Variants in AGBL4 observed in about 807,000 individuals in gnomAD.
AGBL4 encodes cytosolic carboxypeptidase 6.
AGBL4 carries 58 observed loss-of-function variants against 66.4 expected under a neutral mutation model. The ratio of observed to expected loss-of-function variants is 0.87; its 90% confidence interval spans 0.71 to 1.09. The LOEUF (loss-of-function observed/expected upper bound fraction) is 1.09, where lower values mean the gene tolerates loss of function less well. AGBL4 is among the 50% of genes least tolerant of loss of function. AGBL4 has a pLI of 0.00. For missense variants in AGBL4, 579 were observed against 631.0 expected (o/e 0.92, Z 0.88); for synonymous variants, 234 against 222.9 (o/e 1.05, Z -0.44).
intron 5 of AGBL4, among the ~76,000 whole-genome samples, chr1:48,877,956 T>G (rs985940219): frequency 3.9e-5 from 6 of 152,144 alleles, no homozygotes; most frequent in African/African-American, 1.4e-4. Context: ...TCTCTCTCAT[T>G]TTCGCATCTC....
intron 3 of AGBL4, among the ~76,000 whole-genome samples, chr1:49,394,896 G>A (rs1009734914): frequency 2.0e-5 from 3 of 152,078 alleles, no homozygotes; most frequent in African/African-American, 7.2e-5. Flanking sequence ...TTTCATTCTG[G>A]TCTCTCTGCC....
At chr1:50,005,676 A>G (rs898500550) in intron 1 of AGBL4, among the ~76,000 whole-genome samples, 5 of 152,228 alleles carry the variant, frequency 3.3e-5, no homozygotes, top group African/African-American at 9.6e-5. Flanking sequence ...CCAGTGACCA[A>G]TTCTGGAGTC....
intron 3 of AGBL4, among the ~76,000 whole-genome samples, chr1:49,377,841 G>T (rs1644503433): frequency 1.3e-5 from 2 of 152,022 alleles, no homozygotes. Context: ...GGCTCCAGAG[G>T]GATATAGTAT....
intron 5 of AGBL4, among the ~76,000 whole-genome samples, chr1:48,936,419 G>A (rs922288024): frequency 4.8e-4 from 73 of 152,228 alleles, no homozygotes; most frequent in African/African-American, 1.6e-3. Context: ...AAACCTTCAC[G>A]GAGATAATGT....
At chr1:49,839,322 G>C (rs563810158) in intron 2 of AGBL4, among the ~76,000 whole-genome samples, 102 of 152,222 alleles carry the variant, frequency 6.7e-4, no homozygotes, top group Non-Finnish European at 1.2e-3. Context: ...TTGGTCTACA[G>C]TTACAGAGTT....
intron 3 of AGBL4, among the ~76,000 whole-genome samples, chr1:49,283,504 A>G (rs1442383883): frequency 1.3e-5 from 2 of 152,256 alleles, no homozygotes; most frequent in African/African-American, 4.8e-5. Flanking sequence ...CAGCAACGGA[A>G]CAAAGCTGGA....
In AGBL4 at chr1:48,648,002, T is replaced by C. The variant is rs150579924; in HGVS notation, c.839+5335A>G. Among the ~76,000 whole-genome samples the C allele has an allele frequency of 3.7e-3, 564 of 152,264 alleles. 3 individuals are homozygous for C. Among genetic ancestry groups the C allele is most frequent in the African/African-American group, 0.013 (549 of 41,546 alleles). The stretch of plus-strand genomic sequence containing the variant: ...AGATCCTTCCAGAACTCTCTGAAAA[T>C]ATTCCCATTGTATTGTCAGTAGCCA... On this transcript the variant is annotated intron_variant, in intron 8 of 13. Transcript: ENST00000371839.
intron 6 of AGBL4, among the ~76,000 whole-genome samples, chr1:48,831,861 A>G (rs1030131648): frequency 8.5e-5 from 13 of 152,322 alleles, no homozygotes; most frequent in African/African-American, 3.1e-4. Flanking sequence ...AAGGAAATCC[A>G]TGTTTTGACA....
chr1:49,084,588 C>T (rs2147964500), intron 4 of AGBL4, among the ~76,000 whole-genome samples: 1 of 152,256 alleles, frequency 6.6e-6, no homozygotes, highest in South Asian at 2.1e-4. Context: ...ATTAACTCCA[C>T]CTGGCCCTGC....
intron 3 of AGBL4, among the ~76,000 whole-genome samples, chr1:49,580,983 G>T (rs1235267294): frequency 6.6e-6 from 1 of 151,982 alleles, no homozygotes; most frequent in Non-Finnish European, 1.5e-5. Flanking sequence ...TCCCTATCCA[G>T]AATACTAATA....
intron 3 of AGBL4, among the ~76,000 whole-genome samples, chr1:49,385,366 T>A (rs1052610226): frequency 5.3e-5 from 8 of 152,034 alleles, no homozygotes; most frequent in Non-Finnish European, 1.2e-4. Context: ...TACATTCTTG[T>A]GTTCTTTTTC....
intron 1 of AGBL4, among the ~76,000 whole-genome samples, chr1:49,983,301 A>G (rs1236045312): frequency 6.6e-6 from 1 of 152,198 alleles, no homozygotes; most frequent in Non-Finnish European, 1.5e-5. Context: ...GCTTCTGGGC[A>G]CCAATGCATT....
chr1:49,660,444 A>G (rs1646246218), intron 3 of AGBL4, among the ~76,000 whole-genome samples: 1 of 152,170 alleles, frequency 6.6e-6, no homozygotes, highest in South Asian at 2.1e-4. Flanking sequence ...TAAAAAGTCA[A>G]GAAATAATAG....
At chr1:49,561,820 C>T (rs1432752664) in intron 3 of AGBL4, among the ~76,000 whole-genome samples, 2 of 152,034 alleles carry the variant, frequency 1.3e-5, no homozygotes, top group Non-Finnish European at 2.9e-5. Context: ...TGGATATATA[C>T]CCAGTAATGG....
intron 3 of AGBL4, among the ~76,000 whole-genome samples, chr1:49,616,479 G>T (rs2124268807): frequency 6.6e-6 from 1 of 152,162 alleles, no homozygotes; most frequent in East Asian, 1.9e-4. Flanking sequence ...CTCAGTCCTT[G>T]CACATTTTAT....
chr1:49,498,214 G>C (rs1169138709), intron 3 of AGBL4, among the ~76,000 whole-genome samples: 1 of 151,858 alleles, frequency 6.6e-6, no homozygotes, highest in Non-Finnish European at 1.5e-5. Context: ...ATTGCATATT[G>C]ACGTTGTATC....
At chr1:49,923,133 G>T (rs1017655902) in intron 1 of AGBL4, among the ~76,000 whole-genome samples, 2 of 152,010 alleles carry the variant, frequency 1.3e-5, no homozygotes, top group African/African-American at 4.8e-5. Flanking sequence ...TAGTCCAATG[G>T]AACAAAATAG....
chr1:49,065,046 T>G (rs1377021779), intron 4 of AGBL4, among the ~76,000 whole-genome samples: 1 of 152,178 alleles, frequency 6.6e-6, no homozygotes, highest in African/African-American at 2.4e-5. Flanking sequence ...AATCACACCA[T>G]GTAGGCAGCT....
At chr1:49,470,284 A>T (rs560959097) in intron 3 of AGBL4, among the ~76,000 whole-genome samples, 1 of 152,114 alleles carries the variant, frequency 6.6e-6, no homozygotes, top group Admixed American at 6.6e-5. Flanking sequence ...ATGTCAGATT[A>T]TACTCGCTCC....
Sources: allele counts gnomAD v4.1 joint callset (sites outside exome capture counted in the v4.1 genomes callset), GRCh38; gene constraint gnomAD v4.1.1; transcripts MANE v1.5; gene names NCBI Gene and HGNC (gene_info 2026-07-23, HGNC 2026-07-21).